Variants in RPTOR observed in about 807,000 individuals in gnomAD.
The protein encoded by RPTOR is regulatory-associated protein of mTOR.
RPTOR carries 21 observed loss-of-function variants against 169.9 expected under a neutral mutation model. The ratio of observed to expected loss-of-function variants is 0.12; its 90% CI spans 0.09 to 0.18. The LOEUF (loss-of-function observed/expected upper bound fraction) is 0.18. Ranked by LOEUF, RPTOR falls within the 10% of genes least tolerant of loss-of-function variation. The pLI is 1.00. For missense variants in RPTOR, 1,133 were observed against 1,855.9 expected (o/e 0.61, Z 7.16); for synonymous variants, 732 against 753.2 (o/e 0.97, Z 0.46).
intron 28 of RPTOR, among the ~76,000 whole-genome samples, chr17:80,952,209 T>C (rs1176909192): frequency 6.6e-6 from 1 of 152,212 alleles, no homozygotes; most frequent in East Asian, 1.9e-4. Flanking sequence ...GACCCAGTGT[T>C]GGCATTTGAT....
intron 10 of RPTOR, among the ~76,000 whole-genome samples, chr17:80,840,749 ACTCTCACCACACGGCAG>A (rs2067631493): frequency 8.2e-5 from 9 of 110,070 alleles, no homozygotes; most frequent in Admixed American, 8.0e-4. Context: ...ACGGCAGCTC[ACTCTCACCACACGGCAG>A]CTCTCACCAC....
chr17:80,892,696 C>G, intron 18 of RPTOR, 33 bp from the exon 19 acceptor site: 1 of 1,605,562 alleles, frequency 6.2e-7, no homozygotes, highest in Non-Finnish European at 8.5e-7. Context: ...ACCTGGAAGC[C>G]CATTGTAATT....
rs2066664223 is a variant in RPTOR, at chr17:80,754,846, T to C, written c.830+661T>C. Among the ~76,000 whole-genome samples the C allele has an allele frequency of 6.6e-6, 1 of 152,224 alleles. No homozygotes were observed. Among genetic ancestry groups the C allele is most frequent in the Admixed American group, 6.5e-5 (1 of 15,282 alleles). ...GTTTTGCTGAAAAGCTTATATGTCG[T>C]GGCTGTTACCGGCTAGTAGATAAAT... On this transcript the variant is annotated intron_variant, in intron 6 of 33. Coordinates refer to ENST00000306801, the MANE Select transcript of RPTOR (RefSeq NM_020761.3). This position sits in a 1 kb window ranked among gnomAD's most constrained non-coding sequence, Gnocchi z 4.2.
chr17:80,875,216 C>T (rs2143811472), intron 13 of RPTOR, among the ~76,000 whole-genome samples: 1 of 152,326 alleles, frequency 6.6e-6, no homozygotes, highest in African/African-American at 2.4e-5. Context: ...AAAGCCCGCC[C>T]CGGCCTTACG....
intron 3 of RPTOR, among the ~76,000 whole-genome samples, chr17:80,696,747 G>A (rs973647388): frequency 2.0e-5 from 3 of 152,212 alleles, no homozygotes; most frequent in African/African-American, 7.2e-5. Flanking sequence ...GAGTGAGCGA[G>A]TGTGGGATCC....
chr17:80,627,800 T>G (rs1281666873), intron 2 of RPTOR, among the ~76,000 whole-genome samples: 1 of 152,132 alleles, frequency 6.6e-6, no homozygotes, highest in East Asian at 1.9e-4. Flanking sequence ...TATTTAGGAC[T>G]GTGATTATTA....
At chr17:80,705,155 T>G (rs574279475) in intron 3 of RPTOR, among the ~76,000 whole-genome samples, 104 of 152,408 alleles carry the variant, frequency 6.8e-4, no homozygotes, top group African/African-American at 2.4e-3. Flanking sequence ...CAGAGCCCCC[T>G]GTGCGTGTCA....
At chr17:80,791,550 A>T in intron 7 of RPTOR, 41 bp downstream of exon 7, 1 of 1,573,864 alleles carries the variant, frequency 6.4e-7, no homozygotes, top group Non-Finnish European at 8.7e-7. Context: ...TCTGGATCTG[A>T]TGAGTTTCTT....
rs762540030 is a variant in RPTOR at position 80,923,514 on chromosome 17, C to T, written c.2649C>T (p.Thr883=). Residue 883 remains threonine, a synonymous_variant, in exon 23 of 34, where the codon ACC becomes ACT. Transcript: ENST00000306801. ...GGGGCTCCCCTCCGGCGTCCAGCAC[C>T]AGCAGCTCCAGCCTGACCAACGATG... ...QAGGSPPASS[T]SSSSLTNDVA... is the part of the protein sequence containing the mutation. 3.1e-6 allele frequency: 5 copies of T among 1,613,276 alleles called. No individual in the cohort carries two copies. Among genetic ancestry groups the T allele is most frequent in the Non-Finnish European group, 4.2e-6 (5 of 1,179,996 alleles).
intron 25 of RPTOR, 68 bp from the exon 26 acceptor site, chr17:80,945,599 A>G (rs2069093023): frequency 2.9e-6 from 3 of 1,035,068 alleles, no homozygotes; most frequent in Non-Finnish European, 4.3e-6. Flanking sequence ...CTCAAAAAAA[A>G]TAAATAAATA....
intron 6 of RPTOR, among the ~76,000 whole-genome samples, chr17:80,755,528 G>T (rs983296470): frequency 6.6e-6 from 1 of 152,136 alleles, no homozygotes; most frequent in African/African-American, 2.4e-5. Flanking sequence ...CTTGAGGCCA[G>T]GAGTTCGAGA....
At chr17:80,796,665 G>A (rs983350534) in intron 7 of RPTOR, among the ~76,000 whole-genome samples, 2 of 152,236 alleles carry the variant, frequency 1.3e-5, no homozygotes, top group Non-Finnish European at 2.9e-5. Flanking sequence ...CACAGTCGCT[G>A]TAGCCACCTC....
Position 80,961,478 on chromosome 17 carries a change from G to A in RPTOR, c.3690G>A (p.Val1230=). 2 of 1,549,836 alleles carry A rather than the reference G, an allele frequency of 1.3e-6. No individual in the cohort carries two copies. Among genetic ancestry groups the A allele is most frequent in the South Asian group, 1.2e-5 (1 of 84,008 alleles). ...QKRPDGHIVS[V]SVNGDVRIFD... ...GTCCCGACGGCCACATCGTGAGTGT[G>A]AGGTGAGGAGCGCCGATATTTAGCA... Residue 1230 remains valine (V), a splice_region_variant and synonymous_variant, in exon 31 of 34, where the codon GTG becomes GTA. Coordinates refer to ENST00000306801, the MANE Select transcript of RPTOR (RefSeq NM_020761.3).
chr17:80,745,727 A>C (rs534221818), intron 5 of RPTOR, among the ~76,000 whole-genome samples: 4 of 152,344 alleles, frequency 2.6e-5, no homozygotes, highest in Admixed American at 2.6e-4. Context: ...GCAGAGCTAA[A>C]AGTGTTACCG....
At position 80,853,649 on chromosome 17, in the gene RPTOR, A is replaced by G. The variant is rs116052935; in HGVS notation, c.1315-1815A>G. Among the ~76,000 whole-genome samples the G allele has an allele frequency of 9.8e-3, 1,500 of 152,338 alleles. 23 individuals carry two copies. Among genetic ancestry groups the G allele is most frequent in the African/African-American group, 0.034 (1,401 of 41,568 alleles). ...GCACATGCCTTCCAGCATAGCCACC[A>G]TTAAGGAAAAAATCAAAAGAAGTAA... On this transcript the variant is annotated intron_variant, in intron 11 of 33. Coordinates refer to ENST00000306801, the MANE Select transcript of RPTOR (RefSeq NM_020761.3).
At chr17:80,592,109 TTTTA>T (rs1367465546) in intron 1 of RPTOR, among the ~76,000 whole-genome samples, 1 of 152,140 alleles carries the variant, frequency 6.6e-6, no homozygotes, top group African/African-American at 2.4e-5. Flanking sequence ...TCCCACTGGG[TTTTA>T]TTTGTCTCTC....
chr17:80,950,412 T>C (rs1458275477), intron 28 of RPTOR, among the ~76,000 whole-genome samples: 4 of 152,118 alleles, frequency 2.6e-5, no homozygotes, highest in African/African-American at 4.8e-5. Context: ...CGCCCTTCTG[T>C]CTGAGCACCT....
rs1257134620 is a variant in RPTOR, at chr17:80,841,260, ACCGCAGCTCACTCTCACCG to A, written c.1212+3265_1212+3283del. Among the ~76,000 whole-genome samples the A allele has an allele frequency of 8.6e-5, 8 of 93,042 alleles. 2 individuals are homozygous for A. The highest frequency in any genetic ancestry group is 3.7e-4 in the African/African-American group (8 of 21,912). The allele number at this position is 93,042 out of a possible 152,430, so 61.0% of individuals were successfully genotyped here. On this transcript the variant is annotated intron_variant, in intron 10 of 33. Coordinates refer to ENST00000306801, the MANE Select transcript of RPTOR (RefSeq NM_020761.3). ...CCGCACGGCAGCTCACTCTCACCGC[ACCGCAGCTCACTCTCACCG>A]CACGGCAGCTCACTCTCACAGCACG...
At chr17:80,865,676 C>T (rs1204329740) in intron 13 of RPTOR, among the ~76,000 whole-genome samples, 5 of 152,056 alleles carry the variant, frequency 3.3e-5, no homozygotes, top group African/African-American at 1.2e-4. Context: ...GATGGAACTG[C>T]GAGGAGAAGT....
Sources: allele counts gnomAD v4.1 joint callset (sites outside exome capture counted in the v4.1 genomes callset), GRCh38; gene constraint gnomAD v4.1.1; non-coding constraint Gnocchi (gnomAD v3.1); transcripts MANE v1.5; gene names NCBI Gene and HGNC (gene_info 2026-07-23, HGNC 2026-07-21).